The following RNF166 variants were observed in gnomAD, a reference collection of about 807,000 sequenced individuals.
The protein encoded by RNF166 is ring finger protein 166.
A neutral mutation model predicts 29.4 loss-of-function variants in RNF166; 19 were observed. That is an observed-to-expected ratio of 0.65 (90% CI 0.45 to 0.95). The LOEUF (loss-of-function observed/expected upper bound fraction) is 0.95, where lower values mean the gene tolerates loss of function less well. RNF166 is among the 40% of genes least tolerant of loss of function. RNF166 has a pLI of 0.00. For synonymous variants in RNF166, 171 were observed against 134.5 expected, an observed-to-expected ratio of 1.27 and a Z score of -1.88; for missense variants, 347 against 322.1, an observed-to-expected ratio of 1.08 and a Z score of -0.59.
At chr16:88,697,717 T>C (rs2142620164) in intron 5 of RNF166, 84 bp from the exon 6 acceptor site, 1 of 990,842 alleles carries the variant, frequency 1.0e-6, no homozygotes, top group East Asian at 2.6e-5. Flanking sequence ...CACAGGCGTG[T>C]CCACCCTTCC....
chr16:88,698,759 G>T, intron 4 of RNF166, 150 bp from the exon 5 acceptor site: 2 of 673,058 alleles, frequency 3.0e-6, no homozygotes, highest in Non-Finnish European at 2.5e-6. Flanking sequence ...GGTGACAAGC[G>T]AGTTATTCAG....
intron 1 of RNF166, chr16:88,703,319 G>A: frequency 6.1e-6 from 6 of 985,484 alleles, no homozygotes; most frequent in Non-Finnish European, 7.2e-6. Flanking sequence ...ACCCTGAGCT[G>A]CCAGAGACCA....
chr16:88,699,164 G>C, intron 3 of RNF166, 79 bp from the exon 4 acceptor site: 8 of 1,023,374 alleles, frequency 7.8e-6, no homozygotes, highest in Non-Finnish European at 1.2e-5. Flanking sequence ...AAACACAGGC[G>C]TGGCCCCAGG....
At chr16:88,698,416 C>A (rs577363499) in intron 5 of RNF166, 86 bp downstream of exon 5, 11 of 1,058,924 alleles carry the variant, frequency 1.0e-5, no homozygotes, top group Non-Finnish European at 1.3e-5. Context: ...CTGAACCCTG[C>A]GGACCCTGAG....
At chr16:88,704,532 G>C in intron 1 of RNF166, 1 of 985,462 alleles carries the variant, frequency 1.0e-6, no homozygotes, top group Non-Finnish European at 1.2e-6. Context: ...AATTTGTGCA[G>C]GTTAGGAAAG....
rs1015577782 is a variant in RNF166 at position 88,697,486 on chromosome 16, G to A, written c.*82C>T. 4.9e-6 allele frequency: 5 copies of A among 1,024,744 alleles called. No homozygotes were observed. The Admixed American group carries it at 8.5e-5, about 17-fold the overall frequency. 63.5% of individuals were successfully genotyped at this position (1,024,744 alleles called of 1,614,324 possible). On this transcript the variant is annotated 3_prime_UTR_variant, in exon 6 of 6. Transcript: ENST00000312838. ...TCCTGTGAGCTCAGTCCGGTGAGGT[G>A]CGCTCCCGAGCAGGTGCCAGGTGCG...
rs1021205340 is a variant in RNF166 at position 88,702,741 on chromosome 16, T to G, written c.156-1323A>C. 4 of 985,330 alleles carry G rather than the reference T, an allele frequency of 4.1e-6. No homozygotes were observed. In the African/African-American group the frequency reaches 7.0e-5, roughly 17 times the overall value. 61.0% of individuals were successfully genotyped at this position (985,330 alleles called of 1,614,324 possible). A position where few individuals can be genotyped will look rare whatever the true frequency, so the allele number is the denominator to read the frequency against. ...GTCAGAAAGTGAACAAGCCTTTTTC[T>G]GCAGAGTAAAGAGGTCGCTCACTTT... On this transcript the variant is annotated intron_variant, in intron 1 of 5. Coordinates refer to ENST00000312838, the MANE Select transcript of RNF166 (RefSeq NM_178841.4).
rs1041157849 is a variant in RNF166, at chr16:88,702,701, C to T, written c.156-1283G>A. 1.0e-4 allele frequency: 100 copies of T among 985,424 alleles called. 1 individual carries two copies. In the South Asian group the frequency reaches 3.6e-3, roughly 35 times the overall value. The allele number at this position is 985,424 out of a possible 1,614,324, so 61.0% of individuals were successfully genotyped here. Reference sequence around the variant, plus strand: ...AAACTTCGTGTGAGAGAAAGCGGGACTCAGCTTGAGACCCGTCAGAAAGTG... The same window carrying T: ...AAACTTCGTGTGAGAGAAAGCGGGATTCAGCTTGAGACCCGTCAGAAAGTG... On this transcript the variant is annotated intron_variant, in intron 1 of 5. Coordinates refer to ENST00000312838, the MANE Select transcript of RNF166 (RefSeq NM_178841.4).
chr16:88,698,209 A>T (rs1909825157), intron 5 of RNF166: 1 of 616,480 alleles, frequency 1.6e-6, no homozygotes. Flanking sequence ...TCCAGAAGGA[A>T]GCCTGGCTCA....
chr16:88,702,044 G>A (rs1185240217), intron 1 of RNF166, among the ~76,000 whole-genome samples: 1 of 152,160 alleles, frequency 6.6e-6, no homozygotes, highest in Non-Finnish European at 1.5e-5. Flanking sequence ...ATGGGCCCTG[G>A]CTCTTGGCAC....
At position 88,698,609 on chromosome 16, in the gene RNF166, C is replaced by T; in HGVS notation, c.541G>A (p.Val181Met). ...GGCATTGCCGAGCAGATGGGGCACACCTGGAACAGGCACTGGGGTCAAGCC... is the reference window on the plus strand; with the variant it reads ...GGCATTGCCGAGCAGATGGGGCACATCTGGAACAGGCACTGGGGTCAAGCC... ...ESHRSDPNRV[V>M]CPICSAMPWG... Residue 181 changes from valine (V) to methionine (M), a missense_variant and splice_region_variant, in exon 5 of 6, where the codon GTG becomes ATG. Coordinates refer to ENST00000312838, the MANE Select transcript of RNF166 (RefSeq NM_178841.4). 1 of 1,518,182 alleles carries T rather than the reference C, an allele frequency of 6.6e-7. No individual in the cohort carries two copies. Among genetic ancestry groups the T allele is most frequent in the Middle Eastern group, 1.9e-4 (1 of 5,176 alleles). The allele number at this position is 1,518,182 out of a possible 1,614,324, so 94.0% of individuals were successfully genotyped here. A position where few individuals can be genotyped will look rare whatever the true frequency, so the allele number is the denominator to read the frequency against.
rs780149855 is a variant in RNF166, at chr16:88,698,352, C to T, written c.648+150G>A. The T allele has an allele frequency of 2.0e-5, 15 of 742,814 alleles. No individual in the cohort carries two copies. In the South Asian group the frequency reaches 2.1e-4, roughly 10 times the overall value. 46.0% of individuals were successfully genotyped at this position (742,814 alleles called of 1,614,324 possible). A position where few individuals can be genotyped will look rare whatever the true frequency, so the allele number is the denominator to read the frequency against. ...ACTCCCCACCTGCAGGCAGCCCCCA[C>T]AGAACCTGGGGGAATGTGGCCACCT... On this transcript the variant is annotated intron_variant, in intron 5 of 5. Transcript: ENST00000312838.
At chr16:88,700,586 G>A (rs1597406136) in intron 2 of RNF166, 3 of 985,216 alleles carry the variant, frequency 3.0e-6, no homozygotes, top group East Asian at 1.1e-4. Flanking sequence ...CCTGAGATGT[G>A]GCAACGTCGG....
intron 1 of RNF166, among the ~76,000 whole-genome samples, chr16:88,705,493 G>A (rs981760510): frequency 2.6e-5 from 4 of 152,226 alleles, no homozygotes; most frequent in Non-Finnish European, 4.4e-5. Context: ...TCCCCGCCAG[G>A]AGAGCCACGT....
intron 1 of RNF166, chr16:88,701,665 C>T: frequency 2.1e-6 from 1 of 468,276 alleles, no homozygotes. Flanking sequence ...TGGCTAGCGG[C>T]AGAGCCGTCA....
At chr16:88,699,774 T>G in intron 2 of RNF166, 42 bp from the exon 3 acceptor site, 1 of 1,500,962 alleles carries the variant, frequency 6.7e-7, no homozygotes, top group Non-Finnish European at 9.2e-7. Flanking sequence ...CCTGAGAATC[T>G]GGAAGGGCCG....
At chr16:88,700,779 CTT>C (rs1910136316) in intron 2 of RNF166, 2 of 1,011,042 alleles carry the variant, frequency 2.0e-6, no homozygotes, top group African/African-American at 3.5e-5. Context: ...GCTGCAGGCC[CTT>C]ACGCTGCTCT....
At chr16:88,701,815 T>A (rs1267628113) in intron 1 of RNF166, among the ~76,000 whole-genome samples, 1 of 151,908 alleles carries the variant, frequency 6.6e-6, no homozygotes, top group East Asian at 1.9e-4. Context: ...CTCTGGAAAC[T>A]CTCCCGGCTC....
intron 2 of RNF166, 132 bp downstream of exon 2, chr16:88,701,130 G>C: frequency 7.7e-7 from 1 of 1,305,656 alleles, no homozygotes; most frequent in South Asian, 1.3e-5. Flanking sequence ...TGGCTTCCTG[G>C]TGCAGGAGCA....
Sources: gnomAD v4.1 joint callset for allele counts (sites outside exome capture counted in the v4.1 genomes callset) on GRCh38, gnomAD v4.1.1 for gene constraint, MANE v1.5 for transcripts, NCBI Gene and HGNC (gene_info 2026-07-23, HGNC 2026-07-21) for gene names.